PDXDC1: variants seen among roughly 807,000 people sequenced by gnomAD.
The protein encoded by PDXDC1 is pyridoxal dependent decarboxylase domain containing 1, also known as pyridoxal-dependent decarboxylase domain-containing protein 1.
PDXDC1 carries 42 observed loss-of-function variants against 100.1 expected under a neutral mutation model. The ratio of observed to expected loss-of-function variants is 0.42; its 90% CI spans 0.33 to 0.54. PDXDC1 has a LOEUF of 0.54. PDXDC1 is among the 20% of genes least tolerant of loss of function. PDXDC1 has a pLI of 0.10. For missense variants in PDXDC1, 636 were observed against 979.2 expected, an observed-to-expected ratio of 0.65 and a Z score of 4.68; for synonymous variants, 260 against 371.7, an observed-to-expected ratio of 0.70 and a Z score of 3.46.
At chr16:15,150,294 T>C in the PDXDC1 span, among the ~76,000 whole-genome samples, 2 of 151,380 alleles carry the variant, frequency 1.3e-5, no homozygotes, top group Admixed American at 6.6e-5. Flanking sequence ...TGAGCCGAGA[T>C]GGCACTGCTG....
chr16:15,140,399 G>A (rs545609580), downstream of PDXDC1, among the ~76,000 whole-genome samples: 36 of 142,080 alleles, frequency 2.5e-4, no homozygotes, highest in South Asian at 2.2e-3. Context: ...AGCTGAGATC[G>A]CGCCCCTGCA....
At chr16:15,062,142 A>G (rs1023918579) in intron 16 of PDXDC1, among the ~76,000 whole-genome samples, 1 of 152,216 alleles carries the variant, frequency 6.6e-6, no homozygotes, top group African/African-American at 2.4e-5. Context: ...TAGCGAGACC[A>G]TGTCTCTAGA....
Position 15,123,992 on chromosome 16 carries a change from G to A in PDXDC1, c.1400-14887G>A, listed in dbSNP as rs563892204. On this transcript the variant is annotated intron_variant, in intron 16 of 16. Transcript: ENST00000535621. The stretch of plus-strand genomic sequence containing the variant: ...ATGTCCTTATCTATATCATCTTACT[G>A]CCCGTGTGTGTGGACTTTAAATTCT... Among the ~76,000 whole-genome samples, 21 of 151,772 alleles carry A rather than the reference G, an allele frequency of 1.4e-4. No individual in the cohort carries two copies. In the East Asian group the frequency reaches 3.5e-3, roughly 25 times the overall value.
At chr16:15,074,829 C>A in intron 16 of PDXDC1, 2 of 1,613,050 alleles carry the variant, frequency 1.2e-6, no homozygotes. Flanking sequence ...CAGGACCAGC[C>A]TTTGTTTCAT....
At chr16:15,109,845 T>A (rs2046966908) in intron 16 of PDXDC1, among the ~76,000 whole-genome samples, 1 of 125,492 alleles carries the variant, frequency 8.0e-6, no homozygotes, top group African/African-American at 2.9e-5. Context: ...CGAGACTCTA[T>A]CTCAAAATTT....
At chr16:14,975,286 G>C in intron 1 of PDXDC1, 66 bp downstream of exon 1, 1 of 1,378,660 alleles carries the variant, frequency 7.3e-7, no homozygotes, top group East Asian at 3.0e-5. Context: ...CGAGGCAACT[G>C]TTTCCCAGTC....
At chr16:15,140,559 T>C (rs528835534), downstream of PDXDC1, among the ~76,000 whole-genome samples, 27 of 150,736 alleles carry the variant, frequency 1.8e-4, no homozygotes, top group Admixed American at 2.0e-4. Flanking sequence ...AGAAGCACAA[T>C]TGGTCACAGC....
At chr16:15,099,010 G>A (rs532567619) in intron 16 of PDXDC1, among the ~76,000 whole-genome samples, 1 of 152,326 alleles carries the variant, frequency 6.6e-6, no homozygotes, top group South Asian at 2.1e-4. Flanking sequence ...CTGTGCCAAT[G>A]TACACTTCCA....
intron 16 of PDXDC1, among the ~76,000 whole-genome samples, chr16:15,081,891 G>A (rs2045719596): frequency 1.3e-5 from 2 of 152,136 alleles, no homozygotes; most frequent in Admixed American, 1.3e-4. Context: ...ACTTCTGCCA[G>A]CAGCATTTGT....
chr16:15,035,695 C>T, intron 22 of PDXDC1, 142 bp downstream of exon 22: 2 of 600,274 alleles, frequency 3.3e-6, no homozygotes, highest in South Asian at 4.3e-5. Flanking sequence ...ATCTTGGTAG[C>T]CGTGGGATTC....
chr16:15,128,177 C>A, intron 16 of PDXDC1: 1 of 1,610,680 alleles, frequency 6.2e-7, no homozygotes, highest in Non-Finnish European at 8.5e-7. Flanking sequence ...CAGGGCGCCC[C>A]AACGCGGGGG....
At chr16:15,005,907 T>C (rs1273800656) in intron 5 of PDXDC1, among the ~76,000 whole-genome samples, 15 of 152,268 alleles carry the variant, frequency 9.9e-5, no homozygotes, top group African/African-American at 3.6e-4. Context: ...TAGGCTAGTC[T>C]CAAAACTCCT....
At chr16:15,028,002 C>A (rs1264097045) in intron 14 of PDXDC1, among the ~76,000 whole-genome samples, 1 of 152,296 alleles carries the variant, frequency 6.6e-6, no homozygotes, top group African/African-American at 2.4e-5. Flanking sequence ...CTCTTCCCTT[C>A]CCAGCACTCC....
At chr16:15,074,897 A>T (rs2045385939) in intron 16 of PDXDC1, 2 of 1,576,552 alleles carry the variant, frequency 1.3e-6, no homozygotes, top group African/African-American at 2.7e-5. Context: ...ACATTAAAAA[A>T]TTCAATGTCA....
intron 16 of PDXDC1, chr16:15,130,987 A>G (rs1477401231): frequency 1.2e-6 from 1 of 840,282 alleles, no homozygotes; most frequent in Non-Finnish European, 1.9e-6. Flanking sequence ...TGAAACAGAA[A>G]GCAAATTTCA....
chr16:14,976,344 C>G (rs1167368122), intron 1 of PDXDC1, among the ~76,000 whole-genome samples: 2 of 152,286 alleles, frequency 1.3e-5, no homozygotes, highest in Non-Finnish European at 2.9e-5. Flanking sequence ...AAGGCAGCAG[C>G]TGCTGTAGAT....
intron 12 of PDXDC1, among the ~76,000 whole-genome samples, chr16:15,020,275 T>C (rs1465268016): frequency 6.6e-6 from 1 of 152,282 alleles, no homozygotes; most frequent in Non-Finnish European, 1.5e-5. Flanking sequence ...GAGGAACGAA[T>C]ACAGGTAGAG....
intron 1 of PDXDC1, among the ~76,000 whole-genome samples, chr16:14,979,712 T>C (rs1282033461): frequency 6.6e-6 from 1 of 152,304 alleles, no homozygotes; most frequent in Non-Finnish European, 1.5e-5. Context: ...AGTGTTTCTT[T>C]CCTGCTATTT....
intron 16 of PDXDC1, among the ~76,000 whole-genome samples, chr16:15,099,905 T>G (rs2046481851): frequency 6.6e-6 from 1 of 152,238 alleles, no homozygotes; most frequent in Non-Finnish European, 1.5e-5. Context: ...AGAGTAGTTC[T>G]GTTGGCCAAA....
Sources: gnomAD v4.1 joint callset for allele counts (sites outside exome capture counted in the v4.1 genomes callset) on GRCh38, gnomAD v4.1.1 for gene constraint, MANE v1.5 for transcripts, NCBI Gene and HGNC (gene_info 2026-07-23, HGNC 2026-07-21) for gene names.